BRD9: variants seen among roughly 807,000 people sequenced by gnomAD.
BRD9 encodes the protein bromodomain containing 9, also known as bromodomain-containing protein 9.
A neutral mutation model predicts 68.7 loss-of-function variants in BRD9; 47 were observed. The ratio of observed to expected loss-of-function variants is 0.68; its 90% CI spans 0.54 to 0.87. The LOEUF is 0.87. BRD9 is among the 40% of genes least tolerant of loss of function. BRD9 has a pLI of 0.00. For synonymous variants in BRD9, 313 were observed against 293.9 expected, an observed-to-expected ratio of 1.06 and a Z score of -0.67; for missense variants, 670 against 748.4, an observed-to-expected ratio of 0.90 and a Z score of 1.22.
intron 3 of BRD9, among the ~76,000 whole-genome samples, chr5:890,478 G>A (rs1753197581): frequency 6.6e-6 from 1 of 152,188 alleles, no homozygotes; most frequent in Admixed American, 6.5e-5. Flanking sequence ...GTTGTGCACA[G>A]GAAGGCTGGG....
At chr5:871,378 G>A (rs1234700149) in intron 13 of BRD9, 148 bp downstream of exon 13, 8 of 734,982 alleles carry the variant, frequency 1.1e-5, no homozygotes, top group East Asian at 2.5e-5. Flanking sequence ...ATGAAAAGAG[G>A]AGGAGAAACA....
In BRD9 at chr5:891,666, C is replaced by G; in HGVS notation, c.241G>C (p.Asp81His). ...KKKSEKEKHL[D>H]DEERRKRKEE... ...TTTCGCTTCCTTCTTTCCTCATCGT[C>G]CAGATGCTTCTCCTTCTCGGACTTC... is the stretch of plus-strand genomic sequence containing the variant. The change falls in exon 2 of 16, where the codon GAC becomes CAC. Residue 81 changes from aspartate (D) to histidine (H), a missense_variant. Physicochemically the swap from Asp to His is moderately conservative, Grantham distance 81. Transcript: ENST00000467963. 1 of 1,551,646 alleles carries G rather than the reference C, an allele frequency of 6.4e-7. No homozygotes were observed. Among genetic ancestry groups the G allele is most frequent in the Non-Finnish European group, 8.7e-7 (1 of 1,147,034 alleles).
intron 3 of BRD9, among the ~76,000 whole-genome samples, chr5:890,312 G>A (rs1253810506): frequency 2.0e-5 from 3 of 152,146 alleles, no homozygotes; most frequent in East Asian, 1.9e-4. Context: ...AGTTTCTGAC[G>A]GCCTGAATGA....
chr5:872,059 G>A (rs891489210), intron 12 of BRD9, among the ~76,000 whole-genome samples: 4 of 152,144 alleles, frequency 2.6e-5, no homozygotes, highest in East Asian at 1.9e-4. Flanking sequence ...TGCCGTGGGC[G>A]CAGGAGCGAA....
chr5:872,186 G>C (rs1560898140), intron 12 of BRD9, among the ~76,000 whole-genome samples: 4 of 152,250 alleles, frequency 2.6e-5, no homozygotes, highest in African/African-American at 9.6e-5. Context: ...GAGCGATGCT[G>C]TAGTATATGC....
chr5:864,456 G>A lies in BRD9; in HGVS notation c.*12C>T, dbSNP rs1749042282. 1.3e-6 allele frequency: 2 copies of A among 1,568,284 alleles called. No individual in the cohort carries two copies. The highest frequency in any genetic ancestry group is 1.7e-6 in the Non-Finnish European group (2 of 1,151,856). ...AAAAAAATAAAATAAAAGAGCTGAA[G>A]GTGGTCTAGAGTTAGGTCTTGGCAG... On this transcript the variant is annotated 3_prime_UTR_variant, in exon 16 of 16. Transcript: ENST00000467963.
rs144680205 is a variant in BRD9 at position 881,122 on chromosome 5, C to T, written c.1027G>A (p.Glu343Lys). 2.9e-5 allele frequency: 46 copies of T among 1,613,934 alleles called. No individual in the cohort carries two copies. Among genetic ancestry groups the T allele is most frequent in the East Asian group, 4.5e-5 (2 of 44,892 alleles). The change falls in exon 9 of 16, where the codon GAG becomes AAG. Residue 343 changes from glutamate (E) to lysine (K), a missense_variant. Physicochemically the swap from Glu to Lys is moderately conservative, Grantham distance 56 (BLOSUM62 1). Transcript: ENST00000467963. ...SLLYSVVNTA[E>K]PDADEEETHP... is the part of the protein sequence containing the mutation. ...GGGCACCCACCATCAGCGTCCGGCT[C>T]GGCCGTGTTGACCACGCTGTAGAGC...
At position 889,012 on chromosome 5, in the gene BRD9, G is replaced by A. The variant is rs374095765; in HGVS notation, c.606+9C>T. 27 of 1,603,192 alleles carry A rather than the reference G, an allele frequency of 1.7e-5. No homozygotes were observed. Among genetic ancestry groups the A allele is most frequent in the Admixed American group, 3.5e-5 (2 of 57,464 alleles). ...GCCACGATTACTTCGGGCAATGAAA[G>A]TAACTTACCTTAAATTCCGTAACTG... On this transcript the variant is annotated intron_variant, in intron 5 of 15. Coordinates refer to ENST00000467963, the MANE Select transcript of BRD9 (RefSeq NM_023924.5).
intron 2 of BRD9, 135 bp from the exon 3 acceptor site, chr5:891,422 C>T (rs573713989): frequency 5.1e-6 from 7 of 1,377,362 alleles, no homozygotes; most frequent in Non-Finnish European, 5.8e-6. Flanking sequence ...TCATGCCAGG[C>T]TCCCTCCTCA....
rs1216848208 is a variant in BRD9 at position 864,348 on chromosome 5, C to T, written c.*120G>A. 6.7e-5 allele frequency: 51 copies of T among 759,038 alleles called. No homozygotes were observed. The highest frequency in any genetic ancestry group is 3.6e-4 in the South Asian group (19 of 52,526). 47.0% of individuals were successfully genotyped at this position (759,038 alleles called of 1,614,324 possible). ...TACCACAGACAATTCATTACCTCCC[C>T]GCGGCTGCTTCCCGCATGCCAAAGG... On this transcript the variant is annotated 3_prime_UTR_variant, in exon 16 of 16. Transcript: ENST00000467963.
intron 1 of BRD9, chr5:892,368 G>A: frequency 1.1e-6 from 1 of 935,160 alleles, no homozygotes; most frequent in Non-Finnish European, 1.5e-6. Context: ...ACCGGGGTGA[G>A]TGGGCTTGCA....
chr5:875,970 T>C lies in BRD9; in HGVS notation c.1383+131A>G, dbSNP rs1750849503. 15 of 637,776 alleles carry C rather than the reference T, an allele frequency of 2.4e-5. No individual in the cohort carries two copies. In the South Asian group the frequency reaches 2.7e-4, roughly 12 times the overall value. The allele number at this position is 637,776 out of a possible 1,614,324, so 39.5% of individuals were successfully genotyped here. On this transcript the variant is annotated intron_variant, in intron 12 of 15. Transcript: ENST00000467963. ...CCCGTGCAGAGAAGCACGCAGATCCTGACGAGGAGCCGGCAGCAGAGTCCC... is the reference window on the plus strand; with the variant it reads ...CCCGTGCAGAGAAGCACGCAGATCCCGACGAGGAGCCGGCAGCAGAGTCCC...
In BRD9 at chr5:891,685, G is replaced by A. The variant is rs267600736; in HGVS notation, c.222C>T (p.Ser74=). Residue 74 remains serine, a synonymous_variant, in exon 2 of 16, where the codon TCC becomes TCT. Coordinates refer to ENST00000467963, the MANE Select transcript of BRD9 (RefSeq NM_023924.5). ...KEKKKKKKKK[S]EKEKHLDDEE... ...CATCGTCCAGATGCTTCTCCTTCTC[G>A]GACTTCTTCTTCTTCTTCTTTTTCT... 1 of 1,551,228 alleles carries A rather than the reference G, an allele frequency of 6.4e-7. No homozygotes were observed.
chr5:883,868 C>A, intron 8 of BRD9, 70 bp downstream of exon 8: 1 of 1,570,492 alleles, frequency 6.4e-7, no homozygotes, highest in South Asian at 1.1e-5. Flanking sequence ...ACAGCACCAA[C>A]CCAGAAGGAG....
At chr5:890,922 C>G (rs1332638480) in intron 3 of BRD9, among the ~76,000 whole-genome samples, 1 of 152,140 alleles carries the variant, frequency 6.6e-6, no homozygotes, top group Non-Finnish European at 1.5e-5. Flanking sequence ...CCTTAGCTAA[C>G]AAGTTAAAAA....
At chr5:892,330 C>T in intron 1 of BRD9, 1 of 684,666 alleles carries the variant, frequency 1.5e-6, no homozygotes, top group Non-Finnish European at 2.3e-6. Flanking sequence ...ACACAAAAGC[C>T]AGCACAGATG....
In BRD9 at chr5:886,942, G is replaced by C. The variant is rs1298003388; in HGVS notation, c.718-235C>G. On this transcript the variant is annotated intron_variant, in intron 6 of 15. Transcript: ENST00000467963. Reference sequence around the variant, plus strand: ...CTTGACCCACCGCCAGAGCGCGGCAGGTGCCGCACCTCCCCTTTACCTTCT... The same window carrying C: ...CTTGACCCACCGCCAGAGCGCGGCACGTGCCGCACCTCCCCTTTACCTTCT... 77 of 627,840 alleles carry C rather than the reference G, an allele frequency of 1.2e-4. No individual in the cohort carries two copies. In the South Asian group the frequency reaches 1.2e-3, roughly 10 times the overall value. The allele number at this position is 627,840 out of a possible 1,614,324, so 38.9% of individuals were successfully genotyped here.
chr5:864,624 G>T, intron 15 of BRD9, 56 bp from the exon 16 acceptor site: 2 of 1,501,332 alleles, frequency 1.3e-6, no homozygotes, highest in South Asian at 1.2e-5. Context: ...CAGCACACGT[G>T]GGGCTCCTGG....
At chr5:865,663 A>C in intron 14 of BRD9, 82 bp from the exon 15 acceptor site, 1 of 1,408,462 alleles carries the variant, frequency 7.1e-7, no homozygotes, top group Non-Finnish European at 9.6e-7. Context: ...CTGCCCATCC[A>C]GACAGGCCTC....
Sources: allele counts gnomAD v4.1 joint callset (sites outside exome capture counted in the v4.1 genomes callset), GRCh38; gene constraint gnomAD v4.1.1; transcripts MANE v1.5; gene names NCBI Gene and HGNC (gene_info 2026-07-23, HGNC 2026-07-21).